The following COPS7B variants were observed in gnomAD, a reference collection of about 807,000 sequenced individuals.
COPS7B encodes the protein COP9 signalosome subunit 7B, also known as COP9 signalosome complex subunit 7b.
A neutral mutation model predicts 33.4 loss-of-function variants in COPS7B; 9 were observed. The observed-to-expected ratio is 0.27, with a 90% CI of 0.16 to 0.47. The LOEUF (loss-of-function observed/expected upper bound fraction) is 0.47, where lower values mean the gene tolerates loss of function less well. COPS7B is among the 20% of genes least tolerant of loss of function. The probability of loss-of-function intolerance (pLI) is 0.99; values close to 1 mark genes in which losing one functional copy is unlikely to be tolerated. For synonymous variants in COPS7B, 119 were observed against 126.3 expected, an observed-to-expected ratio of 0.94 and a Z score of 0.39; for missense variants, 242 against 318.2, an observed-to-expected ratio of 0.76 and a Z score of 1.82.
chr2:231,805,257 A>C (rs532495850), intron 6 of COPS7B, among the ~76,000 whole-genome samples: 124 of 151,950 alleles, frequency 8.2e-4, no homozygotes, highest in Non-Finnish European at 4.0e-4. Context: ...TCATTCACTC[A>C]CCACCTTGCC....
upstream of COPS7B, among the ~76,000 whole-genome samples, chr2:231,784,352 C>T (rs1028473218): frequency 4.6e-5 from 7 of 151,760 alleles, no homozygotes; most frequent in Admixed American, 2.0e-4. Flanking sequence ...TGTGGTGGCA[C>T]GCACCTCTAG....
intron 6 of COPS7B, among the ~76,000 whole-genome samples, chr2:231,800,314 T>C (rs2049707479): frequency 6.6e-6 from 1 of 152,236 alleles, no homozygotes; most frequent in African/African-American, 2.4e-5. Context: ...GCTGCTTTTC[T>C]AATAAGCTGT....
chr2:231,801,044 T>C, intron 6 of COPS7B: 1 of 955,214 alleles, frequency 1.0e-6, no homozygotes, highest in Non-Finnish European at 1.6e-6. Flanking sequence ...TGTCGTATTC[T>C]GTTTGTATTT....
chr2:231,806,425 C>T (rs568392103), intron 6 of COPS7B, among the ~76,000 whole-genome samples: 8 of 152,024 alleles, frequency 5.3e-5, no homozygotes, highest in East Asian at 1.9e-4. Context: ...TGGTGGCAAG[C>T]GCCTGTGGTC....
chr2:231,805,057 G>A lies in COPS7B; in HGVS notation c.637-2430G>A, dbSNP rs906521430. Among the ~76,000 whole-genome samples the A allele has an allele frequency of 8.5e-5, 13 of 152,136 alleles. No homozygotes were observed. The East Asian group carries it at 2.5e-3, about 29-fold the overall frequency. ...ATGTCATCAAAATATGCCTTAGCTG[G>A]GCATGATAGTATGTGTCTGTAGTCC... On this transcript the variant is annotated intron_variant, in intron 6 of 6. Coordinates refer to ENST00000350033, the MANE Select transcript of COPS7B (RefSeq NM_022730.4).
intron 5 of COPS7B, among the ~76,000 whole-genome samples, chr2:231,797,872 G>C (rs1365030409): frequency 6.6e-6 from 1 of 152,162 alleles, no homozygotes; most frequent in Admixed American, 6.5e-5. Flanking sequence ...AAAACAGGAT[G>C]CTTTTAGGAA....
intron 6 of COPS7B, among the ~76,000 whole-genome samples, chr2:231,803,765 G>A (rs949049980): frequency 7.2e-5 from 11 of 152,214 alleles, no homozygotes; most frequent in African/African-American, 1.2e-4. Flanking sequence ...GATGATGCGC[G>A]GGCTCCCTCA....
At chr2:231,801,496 C>T (rs1043153619) in intron 6 of COPS7B, among the ~76,000 whole-genome samples, 49 of 152,244 alleles carry the variant, frequency 3.2e-4, no homozygotes, top group African/African-American at 1.1e-3. Context: ...GCATGGAGTG[C>T]AGTGGTGCAA....
chr2:231,788,655 G>A lies in COPS7B; in HGVS notation c.85G>A (p.Ala29Thr). The change falls in exon 2 of 7, where the codon GCT (alanine) becomes ACT (threonine). Residue 29 changes from alanine (A) to threonine (T), a missense_variant. Physicochemically the swap from Ala to Thr is moderately conservative, Grantham distance 58 (BLOSUM62 0). Transcript: ENST00000350033. ...AKGTSGSALT[A>T]LISQVLEAPG... ...AGGTACCAGTGGCTCAGCCCTCACT[G>A]CTCTCATAAGCCAGGTCTTAGAGGC... 6.2e-7 allele frequency: 1 copy of A among 1,614,178 alleles called. No homozygotes were observed. Among genetic ancestry groups the A allele is most frequent in the South Asian group, 1.1e-5 (1 of 91,084 alleles).
upstream of COPS7B, chr2:231,781,749 G>T: frequency 1.5e-6 from 2 of 1,318,250 alleles, no homozygotes; most frequent in Non-Finnish European, 2.1e-6. Context: ...TCACAAACCC[G>T]CCCGCTGAGT....
Position 231,791,754 on chromosome 2 carries a change from G to A in COPS7B, c.184G>A (p.Ala62Thr). The change falls in exon 3 of 7, where the codon GCT (alanine) becomes ACT (threonine). Residue 62 changes from alanine to threonine, a missense_variant. Ala to Thr is a moderately conservative substitution (Grantham distance 58). Coordinates refer to ENST00000350033, the MANE Select transcript of COPS7B (RefSeq NM_022730.4). ...TCAGCTTGCGGAAGGAGCTAATGCT[G>A]CTTATTTGCAGTTGTTGAACCTGTT... is the stretch of plus-strand genomic sequence containing the variant. ...VQELAEGANA[A>T]YLQLLNLFAY... 1 of 1,614,138 alleles carries A rather than the reference G, an allele frequency of 6.2e-7. No individual in the cohort carries two copies. The highest frequency in any genetic ancestry group is 8.5e-7 in the Non-Finnish European group (1 of 1,180,020).
chr2:231,804,874 G>A (rs968600359), intron 6 of COPS7B, among the ~76,000 whole-genome samples: 3 of 152,136 alleles, frequency 2.0e-5, no homozygotes, highest in African/African-American at 7.2e-5. Context: ...TAACTGACAT[G>A]CAAATAAATA....
intron 3 of COPS7B, chr2:231,792,083 G>T (rs570197192): frequency 4.9e-6 from 3 of 615,958 alleles, no homozygotes; most frequent in Non-Finnish European, 9.3e-6. Flanking sequence ...GTGTTTGTAG[G>T]GCTCTTGGAG....
intron 5 of COPS7B, among the ~76,000 whole-genome samples, chr2:231,797,789 TAGTG>T (rs1234558465): frequency 6.6e-6 from 1 of 152,162 alleles, no homozygotes; most frequent in Non-Finnish European, 1.5e-5. Context: ...AAAAAATTAA[TAGTG>T]GGGAAAATAG....
At chr2:231,796,030 C>T (rs2049556782) in intron 4 of COPS7B, 76 bp from the exon 5 acceptor site, 1 of 1,261,910 alleles carries the variant, frequency 7.9e-7, no homozygotes, top group African/African-American at 1.5e-5. Context: ...CAGCTGTTGG[C>T]TATGGGAGTA....
At chr2:231,789,800 A>C (rs991951281) in intron 2 of COPS7B, 5 of 152,230 alleles carry the variant, frequency 3.3e-5, no homozygotes, top group African/African-American at 1.2e-4. Context: ...GCCGGCCTTC[A>C]GTTTATTGGA....
chr2:231,806,357 C>T (rs2049893599), intron 6 of COPS7B, among the ~76,000 whole-genome samples: 1 of 152,034 alleles, frequency 6.6e-6, no homozygotes, highest in Non-Finnish European at 1.5e-5. Context: ...TGAAAACAGC[C>T]TGGACAACGT....
upstream of COPS7B, among the ~76,000 whole-genome samples, chr2:231,784,383 G>A (rs1384900367): frequency 6.6e-6 from 1 of 152,048 alleles, no homozygotes; most frequent in African/African-American, 2.4e-5. Context: ...TTGGGAGGTG[G>A]AGGTGGTAGG....
At chr2:231,786,619 A>C (rs987072559) in intron 1 of COPS7B, 81 bp downstream of exon 1, 57 of 708,534 alleles carry the variant, frequency 8.0e-5, no homozygotes, top group Non-Finnish European at 9.2e-5. Flanking sequence ...GCCCGCCGCC[A>C]AGGAAGCCCG....
Sources: allele counts gnomAD v4.1 joint callset (sites outside exome capture counted in the v4.1 genomes callset), GRCh38; gene constraint gnomAD v4.1.1; transcripts MANE v1.5; gene names NCBI Gene and HGNC (gene_info 2026-07-23, HGNC 2026-07-21).